Variants in ABCC4 observed in about 807,000 individuals in gnomAD.
ABCC4 encodes the protein ATP binding cassette subfamily C member 4 (PEL blood group).
Under a neutral mutation model 168.5 loss-of-function variants are expected in ABCC4, and 102 were observed. That is an observed-to-expected ratio of 0.61 (90% CI 0.52 to 0.71). The LOEUF is 0.71. Among genes scored for constraint, ABCC4 ranks in the 30% least tolerant of loss-of-function variants. The pLI, the probability that ABCC4 is intolerant of heterozygous loss-of-function variation, is 0.00. For missense variants in ABCC4, 1,402 were observed against 1,605.8 expected (o/e 0.87, Z 2.17); for synonymous variants, 617 against 590.7 (o/e 1.04, Z -0.65).
At chr13:95,203,646 C>T (rs1036546833) in intron 8 of ABCC4, among the ~76,000 whole-genome samples, 6 of 152,036 alleles carry the variant, frequency 3.9e-5, no homozygotes, top group African/African-American at 1.4e-4. Flanking sequence ...CTGTAAGCCA[C>T]CGCGCCTGGC....
At chr13:95,166,481 C>T in intron 14 of ABCC4, 114 bp from the exon 15 acceptor site, 1 of 881,352 alleles carries the variant, frequency 1.1e-6, no homozygotes, top group South Asian at 1.8e-5. Flanking sequence ...ATACTTAGGT[C>T]CGGAATCCTA....
intron 19 of ABCC4, among the ~76,000 whole-genome samples, chr13:95,151,657 AATCATC>A (rs998305465): frequency 1.5e-4 from 23 of 151,664 alleles, no homozygotes; most frequent in Non-Finnish European, 2.9e-4. Context: ...AAGGAGAAGA[AATCATC>A]ATCATCATCA....
chr13:95,252,789 G>C (rs2040299393), intron 1 of ABCC4, among the ~76,000 whole-genome samples: 3 of 152,244 alleles, frequency 2.0e-5, no homozygotes. Flanking sequence ...AATGAGGGTA[G>C]TTCCCCTGCC....
intron 19 of ABCC4, among the ~76,000 whole-genome samples, chr13:95,155,014 C>A (rs1209864291): frequency 6.6e-6 from 1 of 152,072 alleles, no homozygotes; most frequent in Non-Finnish European, 1.5e-5. Context: ...GACAGTCTTT[C>A]TGATCATATA....
intron 4 of ABCC4, among the ~76,000 whole-genome samples, chr13:95,230,000 G>T (rs1020920078): frequency 5.9e-5 from 9 of 152,160 alleles, no homozygotes; most frequent in African/African-American, 2.2e-4. Context: ...AGTAAAAACA[G>T]GAGATAAGGC....
chr13:95,125,663 C>G (rs527867193), intron 19 of ABCC4, among the ~76,000 whole-genome samples: 120 of 152,276 alleles, frequency 7.9e-4, no homozygotes, highest in South Asian at 2.1e-3. Context: ...AGGGCAAAGC[C>G]GAATCACTCA....
intron 8 of ABCC4, among the ~76,000 whole-genome samples, chr13:95,197,377 C>T (rs2038486822): frequency 6.6e-6 from 1 of 152,230 alleles, no homozygotes; most frequent in South Asian, 2.1e-4. Flanking sequence ...TCTGTATGTG[C>T]AGGTCAGAAC....
In ABCC4 at chr13:95,044,057, T is replaced by G. The variant is rs2032474794; in HGVS notation, c.3629+209A>C. Among the ~76,000 whole-genome samples the G allele has an allele frequency of 2.0e-5, 3 of 152,206 alleles. No homozygotes were observed. The South Asian group carries it at 6.2e-4, about 31-fold the overall frequency. The stretch of plus-strand genomic sequence containing the variant: ...GATTATTGGGAGTGGATTTTAGGAA[T>G]CTAGCTCTCCTGGGATACTGAATAA... On this transcript the variant is annotated intron_variant, in intron 28 of 30. Transcript: ENST00000645237.
Position 95,218,950 on chromosome 13 carries a change from AAAG to A in ABCC4, c.532-8172_532-8170del, listed in dbSNP as rs1566539627. ...AAGAGAAAGAAAGAAAGAAAGAAAG[AAAG>A]AAAGAAAGAAAGAAAGAAAGAAAGA... is the stretch of plus-strand genomic sequence containing the variant. On this transcript the variant is annotated intron_variant, in intron 4 of 30. Transcript: ENST00000645237. 7.5e-4 allele frequency among the ~76,000 whole-genome samples: 28 copies of A among 37,384 alleles called. 1 individual carries two copies. The highest frequency in any genetic ancestry group is 3.9e-3 in the African/African-American group (26 of 6,632). The allele number at this position is 37,384 out of a possible 152,430, so 24.5% of individuals were successfully genotyped here.
At chr13:95,243,484 C>CT (rs2039999977) in intron 3 of ABCC4, among the ~76,000 whole-genome samples, 1 of 152,170 alleles carries the variant, frequency 6.6e-6, no homozygotes, top group African/African-American at 2.4e-5. Flanking sequence ...GAGGAGGAGA[C>CT]AACTGGGAAT....
intron 19 of ABCC4, among the ~76,000 whole-genome samples, chr13:95,156,635 T>A (rs1316612860): frequency 1.3e-5 from 2 of 152,130 alleles, no homozygotes; most frequent in Non-Finnish European, 2.9e-5. Flanking sequence ...GCAAATGCCC[T>A]ATTCAACTCA....
intron 20 of ABCC4, among the ~76,000 whole-genome samples, chr13:95,114,120 C>T (rs1222434491): frequency 6.6e-6 from 1 of 152,060 alleles, no homozygotes; most frequent in East Asian, 1.9e-4. Context: ...CTAATTGGGG[C>T]CAGTAGGATT....
intron 25 of ABCC4, among the ~76,000 whole-genome samples, chr13:95,070,925 C>T (rs937354705): frequency 2.0e-5 from 3 of 152,176 alleles, no homozygotes; most frequent in Non-Finnish European, 4.4e-5. Flanking sequence ...GCTGTGTCCC[C>T]ACCCAAATCT....
At chr13:95,231,851 T>C (rs545319559) in intron 4 of ABCC4, among the ~76,000 whole-genome samples, 20 of 152,216 alleles carry the variant, frequency 1.3e-4, no homozygotes, top group African/African-American at 4.1e-4. Context: ...AAAGCGTTAG[T>C]GGAAAAGAGG....
chr13:95,195,042 T>A, intron 8 of ABCC4, 105 bp from the exon 9 acceptor site: 1 of 846,362 alleles, frequency 1.2e-6, no homozygotes, highest in Non-Finnish European at 1.9e-6. Flanking sequence ...TTATACAGCC[T>A]ACAGATCATT....
chr13:95,286,956 CAAAAAA>C (rs34188007), intron 1 of ABCC4, among the ~76,000 whole-genome samples: 1 of 118,872 alleles, frequency 8.4e-6, no homozygotes, highest in African/African-American at 3.2e-5. Context: ...AACTCTGTCT[CAAAAAA>C]AAAAAAAAAA....
intron 1 of ABCC4, among the ~76,000 whole-genome samples, chr13:95,266,642 T>G (rs901245627): frequency 6.6e-6 from 1 of 151,942 alleles, no homozygotes; most frequent in Admixed American, 6.6e-5. Context: ...GACAGCAGAG[T>G]TCAGAGCCCT....
At chr13:95,153,808 C>T (rs1256500734) in intron 19 of ABCC4, among the ~76,000 whole-genome samples, 1 of 152,120 alleles carries the variant, frequency 6.6e-6, no homozygotes, top group African/African-American at 2.4e-5. Context: ...ACAGTAATCG[C>T]TTACATACAG....
chr13:95,188,442 T>A lies in ABCC4; in HGVS notation c.1353+11A>T, dbSNP rs772109482. On this transcript the variant is annotated intron_variant, in intron 10 of 30. Coordinates refer to ENST00000645237, the MANE Select transcript of ABCC4 (RefSeq NM_005845.5). ...GGTTGCAACAAGCTGCCAAAAGCCA[T>A]TCTAACTCACCTTCCCTGCTCCCAC... 1 of 1,613,900 alleles carries A rather than the reference T, an allele frequency of 6.2e-7. No homozygotes were observed. Among genetic ancestry groups the A allele is most frequent in the East Asian group, 2.2e-5 (1 of 44,874 alleles).
Sources: gnomAD v4.1 joint callset for allele counts (sites outside exome capture counted in the v4.1 genomes callset) on GRCh38, gnomAD v4.1.1 for gene constraint, MANE v1.5 for transcripts, NCBI Gene and HGNC (gene_info 2026-07-23, HGNC 2026-07-21) for gene names.